ADAR: variants seen among roughly 807,000 people sequenced by gnomAD.
ADAR encodes the protein double-stranded RNA-specific adenosine deaminase.
ADAR carries 41 observed loss-of-function variants against 113.2 expected under a neutral mutation model. The observed-to-expected ratio is 0.36, with a 90% confidence interval of 0.28 to 0.47. The LOEUF is 0.47. ADAR is among the 20% of genes least tolerant of loss of function. The pLI is 1.00. For missense variants in ADAR, 1,242 were observed against 1,540.9 expected, an observed-to-expected ratio of 0.81 and a Z score of 3.25; for synonymous variants, 605 against 572.6, an observed-to-expected ratio of 1.06 and a Z score of -0.81.
Position 154,607,518 on chromosome 1 carries a change from G to A in ADAR, c.15+474C>T, listed in dbSNP as rs145558655. On this transcript the variant is annotated intron_variant, in intron 1 of 14. Transcript: ENST00000368474. ...AAAGTCCGAACGTTGTTCAAGTGGG[G>A]CTAAAGCGGGGGTAGGGGGTTCCAC... 7.3e-3 allele frequency among the ~76,000 whole-genome samples: 1,020 copies of A among 139,792 alleles called. 4 individuals carry two copies. Among genetic ancestry groups the A allele is most frequent in the Non-Finnish European group, 0.013 (789 of 62,280 alleles). The allele number at this position is 139,792 out of a possible 152,430, so 91.7% of individuals were successfully genotyped here. A position where few individuals can be genotyped will look rare whatever the true frequency, so the allele number is the denominator to read the frequency against.
At chr1:154,587,400 T>C (rs144412359) in intron 11 of ADAR, among the ~76,000 whole-genome samples, 6,672 of 152,312 alleles carry the variant, frequency 0.044, 201 homozygotes, top group Non-Finnish European at 0.065. Flanking sequence ...CATCAGCTGA[T>C]GGACGTCTGG....
At chr1:154,587,659 GAGA>G (rs1696856455) in intron 11 of ADAR, among the ~76,000 whole-genome samples, 1 of 152,196 alleles carries the variant, frequency 6.6e-6, no homozygotes, top group African/African-American at 2.4e-5. Flanking sequence ...GAGGATAGGA[GAGA>G]AGGAGCCAGT....
Position 154,597,916 on chromosome 1 carries a change from C to T in ADAR, c.1846G>A (p.Val616Ile), listed in dbSNP as rs570647049. Residue 616 changes from valine (V) to isoleucine (I), a missense_variant, in exon 4 of 15, where the codon GTC becomes ATC. By Grantham distance (29) the Val-to-Ile change is conservative. Transcript: ENST00000368474. ...TGCATACACTCAAGCAGTGTGGTGA[C>T]GGGGCTCTTCCCAGAAAAGAAGGAT... is the stretch of plus-strand genomic sequence containing the variant. ...ATSFFSGKSP[V>I]TTLLECMHKL... 89 of 1,614,034 alleles carry T rather than the reference C, an allele frequency of 5.5e-5. 1 individual carries two copies. In the South Asian group the frequency reaches 6.7e-4, roughly 12 times the overall value.
rs1161930625 is a variant in ADAR at position 154,601,897 on chromosome 1, A to G, written c.745T>C (p.Ser249Pro). ...EDLLEPFIAV[S>P]AQAWNQHSGV... ...CTGTGCTGGTTCCAAGCCTGAGCTG[A>G]GACTGCAATAAAAGGCTCAAGAAGA... The change falls in exon 2 of 15, where the codon TCA becomes CCA. Residue 249 changes from serine (S) to proline (P), a missense_variant. Physicochemically the swap from Ser to Pro is moderately conservative, Grantham distance 74. Around this residue, in one of 2 missense-constraint regions of ADAR, gnomAD observed 462 missense variants for 483.1 expected, o/e 0.96. Transcript: ENST00000368474. The surrounding 1 kb of genome is among the most constrained non-coding windows in gnomAD (Gnocchi z 4.7). 1.2e-6 allele frequency: 2 copies of G among 1,613,884 alleles called. No individual in the cohort carries two copies. The highest frequency in any genetic ancestry group is 1.7e-6 in the Non-Finnish European group (2 of 1,180,000).
intron 6 of ADAR, among the ~76,000 whole-genome samples, chr1:154,596,467 C>T (rs9427098): frequency 0.99 from 151,330 of 152,288 alleles, 75,193 homozygotes; most frequent in East Asian, 1. Context: ...CTTGAACTCC[C>T]GACCTCAGGT....
chr1:154,612,518 G>A (rs772351928), upstream of ADAR, among the ~76,000 whole-genome samples: 8 of 151,438 alleles, frequency 5.3e-5, no homozygotes, highest in Admixed American at 1.3e-4. Context: ...TATTAGAGAC[G>A]GGGTTTCACT....
Position 154,588,646 on chromosome 1 carries a change from G to T in ADAR, c.2790C>A (p.Tyr930Ter). 1.2e-6 allele frequency: 2 copies of T among 1,614,174 alleles called. No homozygotes were observed. The highest frequency in any genetic ancestry group is 1.7e-6 in the Non-Finnish European group (2 of 1,179,984). The change falls in exon 10 of 15, where the codon TAC becomes TAA. Residue 930 changes from tyrosine to a stop codon, truncating the protein, a stop_gained. Coordinates refer to ENST00000368474, the MANE Select transcript of ADAR (RefSeq NM_001111.5). LOFTEE classifies it high-confidence loss of function. ...TACTATCCTTCGCAGTCTGGGAGTT[G>T]TATTTCATTAACTCACTGTAGAGAA... ...IRFLYSELMK[Y>*]NSQTAKDSIF...
Position 154,584,687 on chromosome 1 carries a change from C to T in ADAR, c.*119G>A. ...AAGTTTTCAGTATCACCAATTATGG[C>T]TTAAAAAGAAAAAAAAAGGAGAAAA... On this transcript the variant is annotated 3_prime_UTR_variant, in exon 15 of 15. Coordinates refer to ENST00000368474, the MANE Select transcript of ADAR (RefSeq NM_001111.5). 1 of 955,134 alleles carries T rather than the reference C, an allele frequency of 1.0e-6. No individual in the cohort carries two copies. The highest frequency in any genetic ancestry group is 1.6e-6 in the Non-Finnish European group (1 of 617,308). The allele number at this position is 955,134 out of a possible 1,614,324, so 59.2% of individuals were successfully genotyped here. A position where few individuals can be genotyped will look rare whatever the true frequency, so the allele number is the denominator to read the frequency against.
intron 6 of ADAR, among the ~76,000 whole-genome samples, chr1:154,591,941 T>C (rs3766926): frequency 0.18 from 27,997 of 152,230 alleles, 2,998 homozygotes; most frequent in South Asian, 0.35. Context: ...ACAGATTGTG[T>C]AGTATCTTTA....
At chr1:154,624,046 G>C (rs1698868468) in intron 1 of ADAR, among the ~76,000 whole-genome samples, 1 of 151,736 alleles carries the variant, frequency 6.6e-6, no homozygotes, top group Admixed American at 6.6e-5. Flanking sequence ...AGCAGCAAGA[G>C]AGAATGAAGT....
chr1:154,610,837 A>AAAAAAAAAAAAAAAAAC (rs1698464619), upstream of ADAR, among the ~76,000 whole-genome samples: 1 of 149,390 alleles, frequency 6.7e-6, no homozygotes, highest in Non-Finnish European at 1.5e-5. Flanking sequence ...AAAAAAAAAA[A>AAAAAAAAAAAAAAAAAC]AAAAGACAAA....
Position 154,596,855 on chromosome 1 carries a change from A to G in ADAR, c.2220T>C (p.Phe740=). The part of the protein sequence containing the change: ...GLLEYARSHG[F]AAEFKLVDQS... ...GGTCGACCAACTTGAATTCAGCAGC[A>G]AAGCCATGGGAGCGGGCGTACTCCA... The change falls in exon 6 of 15, where the codon TTT becomes TTC. Residue 740 remains phenylalanine (F), a synonymous_variant. Transcript: ENST00000368474. The G allele has an allele frequency of 6.2e-7, 1 of 1,614,070 alleles. No individual in the cohort carries two copies.
intron 1 of ADAR, among the ~76,000 whole-genome samples, chr1:154,604,908 C>T (rs1163546655): frequency 1.3e-5 from 2 of 152,184 alleles, no homozygotes; most frequent in Non-Finnish European, 2.9e-5. Context: ...CCAACTATGT[C>T]GACAGTCTGT....
chr1:154,586,650 G>T (rs1290094770), intron 11 of ADAR, among the ~76,000 whole-genome samples: 1 of 152,204 alleles, frequency 6.6e-6, no homozygotes, highest in African/African-American at 2.4e-5. Flanking sequence ...AATTCCAGAT[G>T]CTGACAGTGC....
chr1:154,600,823 C>T (rs1697820178), intron 2 of ADAR: 1 of 645,904 alleles, frequency 1.5e-6, no homozygotes, highest in African/African-American at 1.8e-5. Context: ...AGTCAACCTC[C>T]CCCTTGTTCA....
intron 6 of ADAR, among the ~76,000 whole-genome samples, chr1:154,595,721 T>C (rs187284902): frequency 2.6e-3 from 393 of 152,174 alleles, no homozygotes; most frequent in African/African-American, 9.3e-3. Flanking sequence ...AAGAAAAATA[T>C]TTTAAATAAA....
chr1:154,585,642 C>A, intron 13 of ADAR, 111 bp downstream of exon 13: 1 of 1,024,308 alleles, frequency 9.8e-7, no homozygotes, highest in Non-Finnish European at 1.5e-6. Context: ...CCCTTGTGGG[C>A]TACCACTGTG....
intron 6 of ADAR, 93 bp from the exon 7 acceptor site, chr1:154,590,502 G>C (rs1697073991): frequency 8.2e-7 from 1 of 1,221,222 alleles, no homozygotes; most frequent in Non-Finnish European, 1.2e-6. Context: ...GGCCAGTCTT[G>C]CAAACATATG....
upstream of ADAR, among the ~76,000 whole-genome samples, chr1:154,610,305 C>G (rs960828933): frequency 3.3e-5 from 5 of 152,090 alleles, no homozygotes; most frequent in African/African-American, 1.2e-4. Context: ...GGAAACAACC[C>G]AAATGTCCAT....
Sources: allele counts gnomAD v4.1 joint callset (sites outside exome capture counted in the v4.1 genomes callset), GRCh38; gene constraint gnomAD v4.1.1; regional missense constraint gnomAD v4.1.1; non-coding constraint Gnocchi (gnomAD v3.1); transcripts MANE v1.5; gene names NCBI Gene and HGNC (gene_info 2026-07-23, HGNC 2026-07-21).